The following TCF4 variants were observed in gnomAD, a reference collection of about 807,000 sequenced individuals.
TCF4 encodes the protein SL3-3 enhancer factor 2.
Under a neutral mutation model 82.1 loss-of-function variants are expected in TCF4, and 3 were observed. That is an observed-to-expected ratio of 0.04 (90% CI 0.02 to 0.09). TCF4 has a LOEUF of 0.09. TCF4 is among the 10% of genes least tolerant of loss of function. The probability of loss-of-function intolerance (pLI) is 1.00; values close to 1 mark genes in which losing one functional copy is unlikely to be tolerated. For synonymous variants in TCF4, 276 were observed against 309.6 expected (o/e 0.89, Z 1.14); for missense variants, 518 against 852.7 (o/e 0.61, Z 4.89).
chr18:55,476,834 A>G (rs2096300056), intron 3 of TCF4, among the ~76,000 whole-genome samples: 2 of 152,356 alleles, frequency 1.3e-5, no homozygotes, highest in South Asian at 4.1e-4. Context: ...ATAAAGGCTG[A>G]GAAAATGTTC....
chr18:55,314,352 T>C (rs1049368717), intron 8 of TCF4, among the ~76,000 whole-genome samples: 3 of 152,110 alleles, frequency 2.0e-5, no homozygotes, highest in Non-Finnish European at 4.4e-5. Context: ...AGCTTAATAA[T>C]GCCATTAGGA....
rs947720676 is a variant in TCF4, at chr18:55,295,345, C to T, written c.550-15689G>A. Among the ~76,000 whole-genome samples the T allele has an allele frequency of 1.2e-4, 18 of 152,264 alleles. No homozygotes were observed. In the South Asian group the frequency reaches 2.7e-3, roughly 23 times the overall value. On this transcript the variant is annotated intron_variant, in intron 8 of 19. Transcript: ENST00000354452. ...GATGCTCATTTTCCGGTGATGAGGA[C>T]GATGATGATGACGATGATGGAAAAT...
chr18:55,318,084 G>A (rs953071323), intron 8 of TCF4, among the ~76,000 whole-genome samples: 6 of 152,092 alleles, frequency 3.9e-5, no homozygotes, highest in African/African-American at 1.2e-4. Context: ...ACATGCTGGC[G>A]AGAGCTGATG....
chr18:55,254,412 T>TA, intron 15 of TCF4, 85 bp downstream of exon 15: 1 of 1,358,996 alleles, frequency 7.4e-7, no homozygotes, highest in Non-Finnish European at 1.0e-6. Context: ...AAAGCTGATT[T>TA]TTTAAAAAAC....
rs899596265 is a variant in TCF4 at position 55,357,165 on chromosome 18, G to A, written c.370-6162C>T. On this transcript the variant is annotated intron_variant, in intron 6 of 19. Transcript: ENST00000354452. ...TATTATTTATTGTATACACTAAAGC[G>A]AGGAGGTTTTTTGATGGTTTCTGAA... 4.6e-5 allele frequency among the ~76,000 whole-genome samples: 7 copies of A among 152,188 alleles called. No homozygotes were observed. In the South Asian group the frequency reaches 6.2e-4, roughly 14 times the overall value.
rs757854995 is a variant in TCF4 at position 55,351,871 on chromosome 18, C to G, written c.370-868G>C. On this transcript the variant is annotated intron_variant, in intron 6 of 19. Transcript: ENST00000354452. ...TTAATTATTCTGATATGCAATAAAA[C>G]AAGAGTAGATAGTACCATTTATATT... The G allele has an allele frequency of 1.9e-5, 17 of 906,336 alleles. No homozygotes were observed. In the African/African-American group the frequency reaches 2.5e-4, roughly 13 times the overall value. The allele number at this position is 906,336 out of a possible 1,614,324, so 56.1% of individuals were successfully genotyped here.
chr18:55,305,042 T>C (rs565632672), intron 8 of TCF4, among the ~76,000 whole-genome samples: 55 of 152,286 alleles, frequency 3.6e-4, no homozygotes, highest in African/African-American at 1.3e-3. Flanking sequence ...ATGTTTGCTT[T>C]TTCTGTCAAC....
At chr18:55,591,782 A>T (rs1166984036), upstream of TCF4, among the ~76,000 whole-genome samples, 1 of 152,046 alleles carries the variant, frequency 6.6e-6, no homozygotes, top group Non-Finnish European at 1.5e-5. Context: ...CTCCCAAAGT[A>T]CTGGAATTAC....
chr18:55,535,211 T>C (rs2097104294), intron 3 of TCF4, among the ~76,000 whole-genome samples: 1 of 152,230 alleles, frequency 6.6e-6, no homozygotes, highest in African/African-American at 2.4e-5. Flanking sequence ...CGTGCTCTCT[T>C]TGTTTTAACT....
chr18:55,582,425 T>C (rs2097584554), intron 3 of TCF4, among the ~76,000 whole-genome samples: 1 of 152,140 alleles, frequency 6.6e-6, no homozygotes, highest in African/African-American at 2.4e-5. Context: ...CTGAATTGTT[T>C]TAGTGCTTTC....
At chr18:55,618,645 G>C (rs147894279) in intron 2 of TCF4, among the ~76,000 whole-genome samples, 86 of 151,780 alleles carry the variant, frequency 5.7e-4, no homozygotes, top group African/African-American at 2.0e-3. Context: ...GCAGTGGCAT[G>C]AGCACAGCTC....
At chr18:55,401,858 C>G in intron 6 of TCF4, 1 of 905,432 alleles carries the variant, frequency 1.1e-6, no homozygotes, top group Non-Finnish European at 1.3e-6. Context: ...AAACAGAGAC[C>G]TCTGCCATGA....
At chr18:55,237,424 C>G (rs1223793661) in intron 15 of TCF4, among the ~76,000 whole-genome samples, 3 of 150,522 alleles carry the variant, frequency 2.0e-5, no homozygotes, top group Non-Finnish European at 4.4e-5. Flanking sequence ...TAAATAATAT[C>G]AATCATTTTC....
intron 2 of TCF4, among the ~76,000 whole-genome samples, chr18:55,617,808 TAA>T (rs1218626068): frequency 7.1e-6 from 1 of 141,208 alleles, no homozygotes; most frequent in African/African-American, 2.6e-5. Flanking sequence ...TCATTAATTC[TAA>T]CTGTGTGTGT....
chr18:55,483,593 G>A (rs1411139446), intron 3 of TCF4, among the ~76,000 whole-genome samples: 1 of 152,126 alleles, frequency 6.6e-6, no homozygotes, highest in Non-Finnish European at 1.5e-5. Flanking sequence ...CTCTTATATG[G>A]TCATTGTAAA....
intron 15 of TCF4, among the ~76,000 whole-genome samples, chr18:55,253,369 G>T (rs897153656): frequency 6.6e-6 from 1 of 152,086 alleles, no homozygotes; most frequent in East Asian, 1.9e-4. Context: ...AACTTTTAGC[G>T]AGCCTGTAAG....
At chr18:55,586,776 T>C (rs1223849873) in intron 2 of TCF4, 1 of 443,806 alleles carries the variant, frequency 2.3e-6, no homozygotes. Flanking sequence ...TGCTTTCCAC[T>C]GGGGTGAGAT....
intron 5 of TCF4, among the ~76,000 whole-genome samples, chr18:55,440,686 T>C (rs1030430498): frequency 3.3e-5 from 5 of 152,194 alleles, no homozygotes; most frequent in Admixed American, 3.3e-4. Flanking sequence ...ACTCTTAATT[T>C]GGGGATGTTT....
At chr18:55,458,132 T>C (rs1439433486) in intron 5 of TCF4, among the ~76,000 whole-genome samples, 1 of 152,214 alleles carries the variant, frequency 6.6e-6, no homozygotes, top group Non-Finnish European at 1.5e-5. Context: ...TGTCACTTAT[T>C]TCTGTAGCAG....
Sources: gnomAD v4.1 joint callset for allele counts (sites outside exome capture counted in the v4.1 genomes callset) on GRCh38, gnomAD v4.1.1 for gene constraint, MANE v1.5 for transcripts, NCBI Gene and HGNC (gene_info 2026-07-23, HGNC 2026-07-21) for gene names.